The following TAFA5 variants were observed in gnomAD, a reference collection of about 807,000 sequenced individuals.
The protein encoded by TAFA5 is chemokine-like protein TAFA-5.
Under a neutral mutation model 15.3 loss-of-function variants are expected in TAFA5, and 6 were observed. That is an observed-to-expected ratio of 0.39 (90% CI 0.21 to 0.77). TAFA5 has a LOEUF of 0.77. Among genes scored for constraint, TAFA5 ranks in the 30% least tolerant of loss-of-function variants. The probability of loss-of-function intolerance (pLI) is 0.41; values close to 1 mark genes in which losing one functional copy is unlikely to be tolerated. For missense variants in TAFA5, 161 were observed against 193.1 expected (o/e 0.83, Z 0.98); for synonymous variants, 103 against 80.7 (o/e 1.28, Z -1.48).
Position 48,700,587 on chromosome 22 carries a change from G to GGAGTGGGGGTATT in TAFA5, c.263-7120_263-7119insATTGAGTGGGGGT, listed in dbSNP as rs535713021. Among the ~76,000 whole-genome samples, 715 of 145,882 alleles carry GGAGTGGGGGTATT rather than the reference G, an allele frequency of 4.9e-3. 4 individuals carry two copies. The highest frequency in any genetic ancestry group is 0.019 in the African/African-American group (688 of 36,076). Reference sequence around the variant, plus strand: ...GCGGGCCTGGGTTTCTTCTCCCTCGGGAGTGGGGGTGCCACTGTGACCTGC... The same window carrying GGAGTGGGGGTATT: ...GCGGGCCTGGGTTTCTTCTCCCTCGGGAGTGGGGGTATTGAGTGGGGGTGCCACTGTGACCTGC... On this transcript the variant is annotated intron_variant, in intron 2 of 3. Transcript: ENST00000402357.
chr22:48,625,647 C>T (rs1601624682), intron 1 of TAFA5, among the ~76,000 whole-genome samples: 2 of 152,344 alleles, frequency 1.3e-5, no homozygotes, highest in Admixed American at 1.3e-4. Flanking sequence ...ACATTTACAA[C>T]ACAGATGCTC....
chr22:48,545,157 C>T (rs1029934752), intron 1 of TAFA5: 1 of 334,892 alleles, frequency 3.0e-6, no homozygotes, highest in East Asian at 7.6e-5. Context: ...GTGGGAGACA[C>T]TATTCTCTCT....
chr22:48,608,952 T>G (rs905580837), intron 1 of TAFA5, among the ~76,000 whole-genome samples: 2 of 152,238 alleles, frequency 1.3e-5, no homozygotes, highest in Non-Finnish European at 2.9e-5. Context: ...GACCGTCAAC[T>G]GGACATTGGA....
At chr22:48,690,802 G>A (rs1928516337) in intron 2 of TAFA5, among the ~76,000 whole-genome samples, 1 of 152,194 alleles carries the variant, frequency 6.6e-6, no homozygotes, top group Non-Finnish European at 1.5e-5. Flanking sequence ...CTGCCCAGGA[G>A]GCTGTGGGCT....
chr22:48,510,913 T>G (rs1165534060), intron 1 of TAFA5, among the ~76,000 whole-genome samples: 1 of 152,272 alleles, frequency 6.6e-6, no homozygotes, highest in Non-Finnish European at 1.5e-5. Context: ...GAAATGGGTT[T>G]TAGTTGTTTG....
At chr22:48,511,315 C>T (rs1343747249) in intron 1 of TAFA5, among the ~76,000 whole-genome samples, 4 of 152,316 alleles carry the variant, frequency 2.6e-5, no homozygotes, top group East Asian at 3.9e-4. Context: ...TCTTTTGTCT[C>T]CTGCTCCTTG....
intron 1 of TAFA5, among the ~76,000 whole-genome samples, chr22:48,516,128 C>T (rs1489268268): frequency 3.3e-5 from 5 of 152,138 alleles, no homozygotes; most frequent in Admixed American, 6.5e-5. Context: ...GGCCCGGCAA[C>T]GCACTTGCCA....
chr22:48,704,110 C>T lies in TAFA5; in HGVS notation c.263-3607C>T, dbSNP rs200433638. ...ATGGTACGGGGTGGATGGGAGCCCACGTGGGGATTTCTTTTAAGCCACACT... is the reference window on the plus strand; with the variant it reads ...ATGGTACGGGGTGGATGGGAGCCCATGTGGGGATTTCTTTTAAGCCACACT... On this transcript the variant is annotated intron_variant, in intron 2 of 3. Transcript: ENST00000402357. Among the ~76,000 whole-genome samples, 11 of 152,166 alleles carry T rather than the reference C, an allele frequency of 7.2e-5. No homozygotes were observed. The East Asian group carries it at 1.6e-3, about 21-fold the overall frequency.
At chr22:48,532,542 G>A (rs1012069933) in intron 1 of TAFA5, among the ~76,000 whole-genome samples, 1 of 152,194 alleles carries the variant, frequency 6.6e-6, no homozygotes, top group Non-Finnish European at 1.5e-5. Context: ...ACGCACTGTC[G>A]CTGGTGGGGT....
chr22:48,704,031 T>G (rs1450733629), intron 2 of TAFA5, among the ~76,000 whole-genome samples: 3 of 152,176 alleles, frequency 2.0e-5, no homozygotes, highest in African/African-American at 7.2e-5. Context: ...GAGGCCCCGT[T>G]CAGCTCAAGA....
intron 1 of TAFA5, among the ~76,000 whole-genome samples, chr22:48,601,238 G>A (rs1435966336): frequency 6.6e-6 from 1 of 152,192 alleles, no homozygotes; most frequent in Admixed American, 6.5e-5. Context: ...GGGGGTCTTC[G>A]ATGTATCCCT....
At chr22:48,567,038 A>T (rs1198661464) in intron 1 of TAFA5, among the ~76,000 whole-genome samples, 1 of 152,130 alleles carries the variant, frequency 6.6e-6, no homozygotes, top group Non-Finnish European at 1.5e-5. Context: ...CCACTTGTGG[A>T]GGGGCCTTTC....
At chr22:48,707,069 A>G (rs1161171845) in intron 2 of TAFA5, among the ~76,000 whole-genome samples, 1 of 152,138 alleles carries the variant, frequency 6.6e-6, no homozygotes, top group Non-Finnish European at 1.5e-5. Flanking sequence ...TGCCCTGTCC[A>G]AGGGCCATCA....
Position 48,734,203 on chromosome 22 carries a change from G to A in TAFA5, c.391-15636G>A, listed in dbSNP as rs533734253. On this transcript the variant is annotated intron_variant, in intron 3 of 3. Transcript: ENST00000402357. ...ACTTGAAAGAACATGAGTAAGAAAT[G>A]GTTGGCACCTGTGTAAAATGTAAAG... 2.0e-5 allele frequency among the ~76,000 whole-genome samples: 3 copies of A among 152,296 alleles called. No individual in the cohort carries two copies. The East Asian group carries it at 5.8e-4, about 29-fold the overall frequency.
intron 1 of TAFA5, among the ~76,000 whole-genome samples, chr22:48,567,541 C>T (rs564871613): frequency 1.2e-4 from 18 of 152,202 alleles, no homozygotes; most frequent in African/African-American, 3.9e-4. Flanking sequence ...TTGCTGTGGG[C>T]GGGGATTGGT....
intron 2 of TAFA5, among the ~76,000 whole-genome samples, chr22:48,675,013 C>T (rs1927928337): frequency 6.6e-6 from 1 of 151,528 alleles, no homozygotes; most frequent in South Asian, 2.1e-4. Context: ...GCGATCTCGG[C>T]TCACTGCACC....
chr22:48,703,980 G>C (rs1293407309), intron 2 of TAFA5, among the ~76,000 whole-genome samples: 1 of 152,236 alleles, frequency 6.6e-6, no homozygotes, highest in Non-Finnish European at 1.5e-5. Flanking sequence ...CTGGCTGTTA[G>C]GGCAGAACAG....
chr22:48,599,655 G>A (rs952138547), intron 1 of TAFA5, among the ~76,000 whole-genome samples: 4 of 152,252 alleles, frequency 2.6e-5, no homozygotes, highest in African/African-American at 9.6e-5. Context: ...CACTTCACAG[G>A]CCCTGCCTCC....
intron 1 of TAFA5, among the ~76,000 whole-genome samples, chr22:48,551,330 CCAGACGCCTGGCA>C (rs1922848463): frequency 1.3e-5 from 2 of 152,134 alleles, no homozygotes; most frequent in African/African-American, 4.8e-5. Context: ...CGGCTCTGAC[CCAGACGCCTGGCA>C]TAGTCTTGGC....
Sources: gnomAD v4.1 joint callset for allele counts (sites outside exome capture counted in the v4.1 genomes callset) on GRCh38, gnomAD v4.1.1 for gene constraint, MANE v1.5 for transcripts, NCBI Gene and HGNC (gene_info 2026-07-23, HGNC 2026-07-21) for gene names.